Variants in REV1 observed in about 807,000 individuals in gnomAD.
REV1 encodes translesion synthesis protein REV1.
REV1 carries 42 observed loss-of-function variants against 137.4 expected under a neutral mutation model. The ratio of observed to expected loss-of-function variants is 0.31; its 90% CI spans 0.24 to 0.40. The LOEUF is 0.40. Ranked by LOEUF, REV1 falls within the 10% of genes least tolerant of loss-of-function variation. REV1 has a pLI of 1.00. For synonymous variants in REV1, 524 were observed against 519.2 expected, an observed-to-expected ratio of 1.01 and a Z score of -0.12; for missense variants, 1,282 against 1,490.1, an observed-to-expected ratio of 0.86 and a Z score of 2.30.
chr2:99,418,204 T>TA (rs1322658789), intron 12 of REV1, among the ~76,000 whole-genome samples: 38 of 152,326 alleles, frequency 2.5e-4, no homozygotes, highest in African/African-American at 8.7e-4. Context: ...TGGAAGACTT[T>TA]ACAAAGCTGA....
At chr2:99,402,198 G>T (rs1234957178) in intron 22 of REV1, 46 bp downstream of exon 22, 1 of 800,666 alleles carries the variant, frequency 1.2e-6, no homozygotes, top group African/African-American at 1.7e-5. Flanking sequence ...CTCAGCCATT[G>T]TGACATGCCA....
rs187527365 is a variant in REV1 at position 99,444,285 on chromosome 2, A to G, written c.351-1816T>C. Among the ~76,000 whole-genome samples the G allele has an allele frequency of 7.9e-5, 12 of 152,382 alleles. No individual in the cohort carries two copies. The East Asian group carries it at 2.1e-3, about 27-fold the overall frequency. Reference sequence around the variant, plus strand: ...TTTCCATCCTTTATCATAGATAGCTATAACTAAGAGACAAGTAGAGAGTGA... The same window carrying G: ...TTTCCATCCTTTATCATAGATAGCTGTAACTAAGAGACAAGTAGAGAGTGA... On this transcript the variant is annotated intron_variant, in intron 4 of 22. Transcript: ENST00000258428.
chr2:99,462,495 C>G lies in REV1; in HGVS notation c.181+1G>C. ...ATAGGGTTAAGTAAAAAGTACTCAA[C>G]CTGTGTATCCATTAACATAGATGGC... On this transcript the variant is annotated splice_donor_variant, in intron 3 of 22. Transcript: ENST00000258428. LOFTEE classifies it high-confidence loss of function. 1 of 1,608,660 alleles carries G rather than the reference C, an allele frequency of 6.2e-7. No individual in the cohort carries two copies. The highest frequency in any genetic ancestry group is 8.5e-7 in the Non-Finnish European group (1 of 1,178,474).
intron 13 of REV1, among the ~76,000 whole-genome samples, chr2:99,411,545 T>A (rs1288551734): frequency 6.6e-6 from 1 of 151,588 alleles, no homozygotes; most frequent in Non-Finnish European, 1.5e-5. Flanking sequence ...TAGCTAGGAT[T>A]GCAGGCGCCT....
At chr2:99,415,106 CT>C (rs1677673051) in intron 12 of REV1, among the ~76,000 whole-genome samples, 1 of 152,138 alleles carries the variant, frequency 6.6e-6, no homozygotes, top group South Asian at 2.1e-4. Context: ...GTACCTCCAA[CT>C]CCTATTGAGT....
chr2:99,440,343 G>C (rs1378893783), intron 5 of REV1, among the ~76,000 whole-genome samples: 2 of 152,218 alleles, frequency 1.3e-5, no homozygotes, highest in Non-Finnish European at 2.9e-5. Flanking sequence ...ATGAAGGGCT[G>C]CCCTACAGAG....
rs373850478 is a variant in REV1, at chr2:99,454,550, C to CAAAAAAA, written c.182-5053_182-5047dup. Among the ~76,000 whole-genome samples the CAAAAAAA allele has an allele frequency of 8.9e-4, 73 of 82,346 alleles. 1 individual carries two copies. The highest frequency in any genetic ancestry group is 1.1e-3 in the African/African-American group (23 of 20,288). The allele number at this position is 82,346 out of a possible 152,430, so 54.0% of individuals were successfully genotyped here. On this transcript the variant is annotated intron_variant, in intron 3 of 22. Transcript: ENST00000258428. The stretch of plus-strand genomic sequence containing the variant: ...GGGCAACAAGAGTGAAACTCCAGCT[C>CAAAAAAA]AAAAAAAAAAAAAAAAAAAAAAAAA...
At chr2:99,434,722 TTTTG>T (rs1680519469) in intron 7 of REV1, among the ~76,000 whole-genome samples, 2 of 152,188 alleles carry the variant, frequency 1.3e-5, no homozygotes, top group African/African-American at 4.8e-5. Flanking sequence ...CTTCCATGGT[TTTTG>T]TTTGATTTCG....
chr2:99,451,922 T>C (rs1312324146), intron 3 of REV1, among the ~76,000 whole-genome samples: 6 of 152,080 alleles, frequency 3.9e-5, no homozygotes, highest in Non-Finnish European at 8.8e-5. Context: ...ACTGTTGGCA[T>C]GCATGGTCGC....
At chr2:99,442,263 A>AAAC (rs1461836318) in intron 5 of REV1, 54 bp downstream of exon 5, 2 of 1,347,536 alleles carry the variant, frequency 1.5e-6, no homozygotes, top group Admixed American at 2.8e-5. Flanking sequence ...AAAAAAAAAA[A>AAAC]AAAAAAAAAA....
chr2:99,433,875 G>A (rs1680413749), intron 8 of REV1, among the ~76,000 whole-genome samples: 1 of 152,116 alleles, frequency 6.6e-6, no homozygotes, highest in African/African-American at 2.4e-5. Flanking sequence ...AGGCAACAAG[G>A]TTATTTCTCA....
At chr2:99,407,087 T>A in intron 15 of REV1, among the ~76,000 whole-genome samples, 1 of 122,122 alleles carries the variant, frequency 8.2e-6, no homozygotes, top group Non-Finnish European at 1.7e-5. Context: ...GTTCTTTTTT[T>A]TTTTTTTTTT....
At chr2:99,428,197 G>A (rs1679633805) in intron 9 of REV1, among the ~76,000 whole-genome samples, 1 of 152,110 alleles carries the variant, frequency 6.6e-6, no homozygotes, top group Admixed American at 6.5e-5. Flanking sequence ...TTCAAGGACT[G>A]GGAATATTTC....
At position 99,401,337 on chromosome 2, in the gene REV1, C is replaced by G; in HGVS notation, c.3660G>C (p.Ser1220=). ...IKYMKRLMQQ[S]VESVWNMAFD... The stretch of plus-strand genomic sequence containing the variant: ...ATGCCATATTCCAAACCGATTCCAC[C>G]GATTGCTGCATCAGCCTAAAGGTGG... The change falls in exon 23 of 23, where the codon TCG becomes TCC. Residue 1220 remains serine (S), a synonymous_variant. Transcript: ENST00000258428. 6.2e-7 allele frequency: 1 copy of G among 1,612,528 alleles called. No homozygotes were observed. Among genetic ancestry groups the G allele is most frequent in the Non-Finnish European group, 8.5e-7 (1 of 1,178,974 alleles).
chr2:99,406,596 G>C, intron 15 of REV1, 106 bp from the exon 16 acceptor site: 2 of 865,258 alleles, frequency 2.3e-6, no homozygotes, highest in Non-Finnish European at 3.3e-6. Context: ...CCTGGATCCT[G>C]TTTCTAGAAT....
chr2:99,478,412 G>C (rs1281050938), intron 1 of REV1, among the ~76,000 whole-genome samples: 7 of 152,160 alleles, frequency 4.6e-5, no homozygotes, highest in Non-Finnish European at 1.5e-5. Context: ...CTCAAAGTCA[G>C]CATGTCCATA....
chr2:99,436,398 G>C (rs925617361), intron 6 of REV1, among the ~76,000 whole-genome samples: 1 of 152,086 alleles, frequency 6.6e-6, no homozygotes, highest in Admixed American at 6.5e-5. Context: ...GTAGGTAATC[G>C]TATCATCTCC....
In REV1 at chr2:99,438,651, T is replaced by A. The variant is rs770028430; in HGVS notation, c.1163A>T (p.Lys388Met). The A allele has an allele frequency of 1.2e-6, 2 of 1,614,052 alleles. No individual in the cohort carries two copies. The highest frequency in any genetic ancestry group is 1.7e-6 in the Non-Finnish European group (2 of 1,180,012). Residue 388 changes from lysine to methionine, a missense_variant, in exon 6 of 23, where the codon AAG (lysine) becomes ATG (methionine). Physicochemically the swap from Lys to Met is moderately conservative, Grantham distance 95 (BLOSUM62 -1). This residue lies in a region of REV1 where 432 missense variants were observed against 438.0 expected (regional missense o/e 0.99). Transcript: ENST00000258428. ...CCTGCCTGTTTTCATTTTTTTTAAC[T>A]TTTCCCTTCCTGGAAAGATACCATT... is the stretch of plus-strand genomic sequence containing the variant. The part of the protein sequence containing the change: ...QSNGIFPGRE[K>M]LKKMKTGRSA...
intron 13 of REV1, 138 bp downstream of exon 13, chr2:99,412,593 C>T (rs1677329234): frequency 1.5e-6 from 1 of 671,588 alleles, no homozygotes. Context: ...CCTTAAAAGG[C>T]CTTCTTAAGG....
Sources: gnomAD v4.1 joint callset for allele counts (sites outside exome capture counted in the v4.1 genomes callset) on GRCh38, gnomAD v4.1.1 for gene constraint, gnomAD v4.1.1 regional missense constraint, MANE v1.5 for transcripts, NCBI Gene and HGNC (gene_info 2026-07-23, HGNC 2026-07-21) for gene names.